The following PCDHGA3 variants were observed in gnomAD, a reference collection of about 807,000 sequenced individuals.
PCDHGA3 encodes the protein protocadherin gamma subfamily A, 3.
In PCDHGA3, 40 loss-of-function variants were observed where a neutral mutation model predicts 58.5. That is an observed-to-expected ratio of 0.68 (90% CI 0.53 to 0.89). The LOEUF is 0.89. Ranked by LOEUF, PCDHGA3 falls within the 40% of genes least tolerant of loss-of-function variation. PCDHGA3 has a pLI of 0.00. For missense variants in PCDHGA3, 1,223 were observed against 1,195.9 expected (o/e 1.02, Z -0.33); for synonymous variants, 530 against 525.7 (o/e 1.01, Z -0.11).
At chr5:141,376,318 G>A (rs373956139) in intron 1 of PCDHGA3, 28 of 1,614,082 alleles carry the variant, frequency 1.7e-5, no homozygotes, top group Non-Finnish European at 1.9e-5. Context: ...GCGTGGAAGG[G>A]GTTCGGGCTT....
At chr5:141,370,800 A>G (rs1767214052) in intron 1 of PCDHGA3, 1 of 1,614,026 alleles carries the variant, frequency 6.2e-7, no homozygotes, top group African/African-American at 1.3e-5. Context: ...CTTTAGCCAA[A>G]ATATCACTGA....
rs1259562533 is a variant in PCDHGA3 at position 141,482,788 on chromosome 5, G to T, written c.2425-12019G>T. 2.6e-5 allele frequency among the ~76,000 whole-genome samples: 4 copies of T among 152,184 alleles called. 1 individual carries two copies. Among genetic ancestry groups the T allele is most frequent in the Admixed American group, 2.6e-4 (4 of 15,278 alleles). ...TATCACTGAACCTTAAACTGTGTGTGTGGCCGGGTACGGTGGCTCATGCCT... is the reference window on the plus strand; with the variant it reads ...TATCACTGAACCTTAAACTGTGTGTTTGGCCGGGTACGGTGGCTCATGCCT... On this transcript the variant is annotated intron_variant, in intron 1 of 3. Transcript: ENST00000253812.
chr5:141,426,711 G>C, intron 1 of PCDHGA3: 1 of 444,496 alleles, frequency 2.2e-6, no homozygotes, highest in Non-Finnish European at 4.6e-6. Flanking sequence ...ACAAATCAAT[G>C]AACTAGCAAT....
At chr5:141,419,972 C>T (rs534128024) in intron 1 of PCDHGA3, 3 of 1,613,948 alleles carry the variant, frequency 1.9e-6, no homozygotes, top group South Asian at 1.1e-5. Flanking sequence ...GCTCTTTCTC[C>T]TCGCGGTGAT....
rs182905441 is a variant in PCDHGA3, at chr5:141,450,871, C to A, written c.2425-43936C>A. Among the ~76,000 whole-genome samples, 581 of 149,672 alleles carry A rather than the reference C, an allele frequency of 3.9e-3. 6 individuals carry two copies. Among genetic ancestry groups the A allele is most frequent in the Admixed American group, 0.011 (168 of 14,998 alleles). ...ATGGGGTCTTGCTCTGTCACCCAGGCTGGTGTGCAGTGGTGCGATATCGGC... is the reference window on the plus strand; with the variant it reads ...ATGGGGTCTTGCTCTGTCACCCAGGATGGTGTGCAGTGGTGCGATATCGGC... On this transcript the variant is annotated intron_variant, in intron 1 of 3. Coordinates refer to ENST00000253812, the MANE Select transcript of PCDHGA3 (RefSeq NM_018916.4).
chr5:141,372,767 T>C, intron 1 of PCDHGA3: 1 of 1,612,184 alleles, frequency 6.2e-7, no homozygotes, highest in Non-Finnish European at 8.5e-7. Flanking sequence ...TTGAAAGTAA[T>C]GACAATCCAG....
intron 1 of PCDHGA3, chr5:141,409,528 C>T (rs1488294674): frequency 3.1e-6 from 5 of 1,613,882 alleles, no homozygotes; most frequent in Non-Finnish European, 4.2e-6. Context: ...CCTTGTATGT[C>T]GCTGACATCA....
At chr5:141,409,919 G>T (rs774277848) in intron 1 of PCDHGA3, 1 of 1,613,346 alleles carries the variant, frequency 6.2e-7, no homozygotes, top group Non-Finnish European at 8.5e-7. Context: ...TGACGGCTCC[G>T]CGTTCTTCGA....
At chr5:141,475,955 C>G (rs1562050812) in intron 1 of PCDHGA3, 8 of 800,218 alleles carry the variant, frequency 1.0e-5, no homozygotes, top group South Asian at 1.9e-5. Flanking sequence ...TTCTGCGCCC[C>G]GGGATGAGGC....
chr5:141,414,568 A>G (rs1349020199), intron 1 of PCDHGA3: 2 of 1,613,914 alleles, frequency 1.2e-6, no homozygotes, highest in South Asian at 1.1e-5. Context: ...CTTTACCTAT[A>G]TCCCAGAGAA....
intron 1 of PCDHGA3, chr5:141,414,187 T>A: frequency 6.2e-7 from 1 of 1,609,834 alleles, no homozygotes; most frequent in South Asian, 1.1e-5. Flanking sequence ...TGCAAAAGTG[T>A]TGATTACAGT....
intron 1 of PCDHGA3, chr5:141,384,871 G>C (rs769607351): frequency 6.2e-7 from 1 of 1,613,766 alleles, no homozygotes; most frequent in Non-Finnish European, 8.5e-7. Context: ...GTCAGCCACC[G>C]TCACACTCAC....
rs1340366910 is a variant in PCDHGA3 at position 141,490,965 on chromosome 5, C to T, written c.2425-3842C>T. The T allele has an allele frequency of 2.5e-6, 4 of 1,613,738 alleles. No homozygotes were observed. The highest frequency in any genetic ancestry group is 2.7e-5 in the African/African-American group (2 of 74,934). On this transcript the variant is annotated intron_variant, in intron 1 of 3. Transcript: ENST00000253812. This position sits in a 1 kb window ranked among gnomAD's most constrained non-coding sequence, Gnocchi z 5.4. Reference sequence around the variant, plus strand: ...CACGGCCAGACTGGGAACACTCAGCCCCCCAGCGTCTCCCTCGCTCTGCTC... The same window carrying T: ...CACGGCCAGACTGGGAACACTCAGCTCCCCAGCGTCTCCCTCGCTCTGCTC...
At chr5:141,374,511 T>G in intron 1 of PCDHGA3, 1 of 1,611,912 alleles carries the variant, frequency 6.2e-7, no homozygotes, top group Non-Finnish European at 8.5e-7. Flanking sequence ...GTGAAAATTC[T>G]CGAAAACGCA....
chr5:141,414,686 C>G, intron 1 of PCDHGA3: 4 of 1,614,042 alleles, frequency 2.5e-6, no homozygotes, highest in Non-Finnish European at 3.4e-6. Flanking sequence ...CAGGGGGTAC[C>G]TCTGTCCTCA....
intron 1 of PCDHGA3, among the ~76,000 whole-genome samples, chr5:141,401,114 CG>C (rs566829189): frequency 5.5e-4 from 84 of 152,224 alleles, no homozygotes; most frequent in African/African-American, 2.0e-3. Context: ...GAGGCCGAGG[CG>C]GTTGGATCAC....
Position 141,485,365 on chromosome 5 carries a change from G to A in PCDHGA3, c.2425-9442G>A. 1 of 1,614,120 alleles carries A rather than the reference G, an allele frequency of 6.2e-7. No homozygotes were observed. Among genetic ancestry groups the A allele is most frequent in the Admixed American group, 1.7e-5 (1 of 60,018 alleles). ...CGGACAGTCTGTCAGCTCGCAGGCT[G>A]CAGGTCGCTGGAGAGGTGAACCAAA... On this transcript the variant is annotated intron_variant, in intron 1 of 3. Transcript: ENST00000253812. The surrounding 1 kb of genome is among the most constrained non-coding windows in gnomAD (Gnocchi z 5.7).
At chr5:141,353,031 T>C (rs978838558) in intron 1 of PCDHGA3, among the ~76,000 whole-genome samples, 31 of 152,172 alleles carry the variant, frequency 2.0e-4, no homozygotes, top group Non-Finnish European at 4.0e-4. Context: ...TTCTTCTCAT[T>C]GGTGTATAAG....
chr5:141,414,843 G>T (rs2095794241), intron 1 of PCDHGA3: 1 of 1,614,100 alleles, frequency 6.2e-7, no homozygotes, highest in Admixed American at 1.7e-5. Context: ...GCCTGTTTGT[G>T]CTGGACCAGA....
Sources: allele counts gnomAD v4.1 joint callset (sites outside exome capture counted in the v4.1 genomes callset), GRCh38; gene constraint gnomAD v4.1.1; non-coding constraint Gnocchi (gnomAD v3.1); transcripts MANE v1.5; gene names NCBI Gene and HGNC (gene_info 2026-07-23, HGNC 2026-07-21).